Variants in YJU2B observed in about 807,000 individuals in gnomAD.
YJU2B encodes probable splicing factor YJU2B.
A neutral mutation model predicts 38.0 loss-of-function variants in YJU2B; 18 were observed. The observed-to-expected ratio is 0.47, with a 90% confidence interval of 0.33 to 0.70. The LOEUF (loss-of-function observed/expected upper bound fraction) is 0.70, where lower values mean the gene tolerates loss of function less well. YJU2B is among the 30% of genes least tolerant of loss of function. YJU2B has a pLI of 0.02. For synonymous variants in YJU2B, 246 were observed against 225.4 expected, an observed-to-expected ratio of 1.09 and a Z score of -0.82; for missense variants, 538 against 556.3, an observed-to-expected ratio of 0.97 and a Z score of 0.33.
At chr19:13,733,635 C>T (rs773475951) in intron 2 of YJU2B, among the ~76,000 whole-genome samples, 2 of 152,116 alleles carry the variant, frequency 1.3e-5, no homozygotes, top group African/African-American at 2.4e-5. Flanking sequence ...GCAGGAGAAT[C>T]GCATGAACCC....
At chr19:13,757,903 G>A in intron 6 of YJU2B, 57 bp downstream of exon 6, 2 of 1,463,470 alleles carry the variant, frequency 1.4e-6, no homozygotes, top group Non-Finnish European at 1.9e-6. Flanking sequence ...GGGCGAGGGG[G>A]CTACAAAGAG....
chr19:13,762,996 C>T lies in YJU2B; in HGVS notation c.1119C>T (p.Thr373=), dbSNP rs1555704492. 3 of 1,606,698 alleles carry T rather than the reference C, an allele frequency of 1.9e-6. No individual in the cohort carries two copies. The highest frequency in any genetic ancestry group is 1.1e-5 in the South Asian group (1 of 90,536). The change falls in exon 10 of 10, where the codon ACC becomes ACT. Residue 373 remains threonine (T), a synonymous_variant. Transcript: ENST00000221554. ...PAGSSQEAAD[T]PDTRHPCSLG... ...GCTCCTCCCAGGAGGCAGCTGACAC[C>T]CCCGACACGCGGCACCCCTGCAGTC...
At chr19:13,760,480 G>T (rs114191538) in intron 8 of YJU2B, among the ~76,000 whole-genome samples, 3 of 152,148 alleles carry the variant, frequency 2.0e-5, no homozygotes. Flanking sequence ...CACTGTCAAC[G>T]TTGAGGATTA....
At chr19:13,757,340 C>T (rs1042020033) in intron 4 of YJU2B, 78 bp from the exon 5 acceptor site, 9 of 1,237,692 alleles carry the variant, frequency 7.3e-6, no homozygotes, top group Admixed American at 3.5e-5. Context: ...ATCACAACCG[C>T]GGCCAGAGTC....
intron 2 of YJU2B, among the ~76,000 whole-genome samples, chr19:13,733,103 G>C (rs1039983164): frequency 6.6e-6 from 1 of 150,964 alleles, no homozygotes; most frequent in Non-Finnish European, 1.5e-5. Flanking sequence ...CTAATTTTTT[G>C]TATATTTAGT....
chr19:13,743,272 A>G (rs1375661317), upstream of YJU2B, among the ~76,000 whole-genome samples: 1 of 152,230 alleles, frequency 6.6e-6, no homozygotes, highest in Non-Finnish European at 1.5e-5. Context: ...GGGGGCTTAC[A>G]GGTCGTAGAT....
Position 13,762,979 on chromosome 19 carries a change from CAGG to C in YJU2B, c.1106_1108del (p.Glu369del), listed in dbSNP as rs771253180. 9 of 1,610,688 alleles carry C rather than the reference CAGG, an allele frequency of 5.6e-6. No individual in the cohort carries two copies. In the East Asian group the frequency reaches 2.0e-4, roughly 36 times the overall value. On this transcript the variant is annotated inframe_deletion, in exon 10 of 10. Coordinates refer to ENST00000221554, the MANE Select transcript of YJU2B (RefSeq NM_030818.4). ...GCCCCTGTCGCCAGCAGGCTCCTCC[CAGG>C]AGGCAGCTGACACCCCCGACACGCG...
At chr19:13,757,654 C>A in intron 5 of YJU2B, 132 bp from the exon 6 acceptor site, 2 of 1,128,970 alleles carry the variant, frequency 1.8e-6, no homozygotes, top group Non-Finnish European at 2.7e-6. Flanking sequence ...CTCTGGCTTC[C>A]AATCCCGTCT....
intron 6 of YJU2B, among the ~76,000 whole-genome samples, chr19:13,758,664 C>T (rs943885981): frequency 2.0e-5 from 3 of 152,234 alleles, no homozygotes; most frequent in African/African-American, 7.2e-5. Context: ...AATGAATAAG[C>T]CAACTGCAGC....
upstream of YJU2B, among the ~76,000 whole-genome samples, chr19:13,744,296 A>G (rs190300377): frequency 1.1e-3 from 172 of 152,318 alleles, 1 homozygote; most frequent in Non-Finnish European, 2.1e-3. Context: ...TCAACTGGTT[A>G]GGGGAAGTAA....
chr19:13,737,817 A>G (rs1972994462), intron 2 of YJU2B, among the ~76,000 whole-genome samples: 1 of 151,766 alleles, frequency 6.6e-6, no homozygotes, highest in Non-Finnish European at 1.5e-5. Context: ...AGTTAGCCAG[A>G]TGTAGCTGGT....
At chr19:13,735,992 C>T (rs1285019558) in intron 2 of YJU2B, among the ~76,000 whole-genome samples, 11 of 149,050 alleles carry the variant, frequency 7.4e-5, no homozygotes, top group Non-Finnish European at 1.5e-4. Flanking sequence ...GCAGAGCTTG[C>T]AGTGAGCCGA....
At chr19:13,757,614 G>A in intron 5 of YJU2B, 141 bp downstream of exon 5, 11 of 1,060,994 alleles carry the variant, frequency 1.0e-5, no homozygotes, top group Non-Finnish European at 1.6e-5. Context: ...GGCCATGGAA[G>A]CCCCTTTGCA....
chr19:13,749,632 CTTTT>C (rs71170557), intron 1 of YJU2B, among the ~76,000 whole-genome samples: 1 of 130,310 alleles, frequency 7.7e-6, no homozygotes. Context: ...GAACTTCTTT[CTTTT>C]TTTTTTTTTT....
intron 2 of YJU2B, among the ~76,000 whole-genome samples, chr19:13,737,253 G>A (rs1972975250): frequency 6.6e-6 from 1 of 151,944 alleles, no homozygotes; most frequent in South Asian, 2.1e-4. Flanking sequence ...TTGAACCCCT[G>A]GGCTCAAGGG....
chr19:13,759,255 C>T lies in YJU2B; in HGVS notation c.556C>T (p.Leu186=), dbSNP rs1371316163. 2 of 1,609,208 alleles carry T rather than the reference C, an allele frequency of 1.2e-6. No homozygotes were observed. The highest frequency in any genetic ancestry group is 1.7e-5 in the Admixed American group (1 of 59,238). ...GGACGACTTCGCCCTCAACAGCATG[C>T]TGCGGAGAAGGTTCCGGGTGAGGGG... The part of the protein sequence containing the change: ...WKDDFALNSM[L]RRRFREKKKA... The change falls in exon 8 of 10, where the codon CTG becomes TTG. Residue 186 remains leucine, a synonymous_variant. Transcript: ENST00000221554.
In YJU2B at chr19:13,732,604, TTC is replaced by T. The variant is rs201481208; in HGVS notation, c.-202+321_-202+322del. Reference sequence around the variant, plus strand: ...TAAAAAAAAAAAAAAAGTGCATACTTTCTTTCTTTTTTTTTTTTTTTTTGCGA... The same window carrying T: ...TAAAAAAAAAAAAAAAGTGCATACTTTTTCTTTTTTTTTTTTTTTTTGCGA... On this transcript the variant is annotated intron_variant, in intron 2 of 10. Transcript: ENST00000586600. The T allele has an allele frequency of 1.7e-3, 224 of 133,634 alleles. 3 individuals carry two copies. Among genetic ancestry groups the T allele is most frequent in the African/African-American group, 5.9e-3 (212 of 35,760 alleles). The allele number at this position is 133,634 out of a possible 1,614,324, so 8.3% of individuals were successfully genotyped here.
At position 13,762,337 on chromosome 19, in the gene YJU2B, C is replaced by G; in HGVS notation, c.612C>G (p.Asp204Glu). The G allele has an allele frequency of 6.2e-7, 1 of 1,613,964 alleles. No individual in the cohort carries two copies. The highest frequency in any genetic ancestry group is 8.5e-7 in the Non-Finnish European group (1 of 1,180,034). Reference protein sequence around the residue: ...KKAIQEEEERDQALQAKASLT... With the variant: ...KKAIQEEEEREQALQAKASLT... ...CCATCCAGGAGGAGGAGGAGAGAGA[C>G]CAGGCCTTGCAGGCCAAGGCGAGCC... Residue 204 changes from aspartate (D) to glutamate (E), a missense_variant, in exon 9 of 10, where the codon GAC (aspartate) becomes GAG (glutamate). By Grantham distance (45) the Asp-to-Glu change is conservative. Around this residue, in one of 2 missense-constraint regions of YJU2B, gnomAD observed 488 missense variants for 469.5 expected, o/e 1.04. Transcript: ENST00000221554.
chr19:13,758,821 G>T, intron 6 of YJU2B, 47 bp from the exon 7 acceptor site: 1 of 1,603,398 alleles, frequency 6.2e-7, no homozygotes, highest in Non-Finnish European at 8.5e-7. Flanking sequence ...GGGCTGTCCT[G>T]GTGCACAGCC....
Sources: allele counts gnomAD v4.1 joint callset (sites outside exome capture counted in the v4.1 genomes callset), GRCh38; gene constraint gnomAD v4.1.1; regional missense constraint gnomAD v4.1.1; transcripts MANE v1.5; gene names NCBI Gene and HGNC (gene_info 2026-07-23, HGNC 2026-07-21).